Variants in GOLPH3L observed in about 807,000 individuals in gnomAD.
GOLPH3L encodes Golgi phosphoprotein 3-like.
In GOLPH3L, 22 loss-of-function variants were observed where a neutral mutation model predicts 30.3. The ratio of observed to expected loss-of-function variants is 0.73; its 90% CI spans 0.52 to 1.04. GOLPH3L has a LOEUF of 1.04. GOLPH3L is among the 50% of genes least tolerant of loss of function. GOLPH3L has a pLI of 0.00. For synonymous variants in GOLPH3L, 120 were observed against 128.2 expected (o/e 0.94, Z 0.43); for missense variants, 303 against 345.8 (o/e 0.88, Z 0.98).
Position 150,693,489 on chromosome 1 carries a change from G to A in GOLPH3L, c.183+1167C>T, listed in dbSNP as rs1416047796. ...CTTTTCTTGCAGGCGGTGGGCGAGG[G>A]GGGGCGGTTATTTAAGGCTTTCCTG... On this transcript the variant is annotated intron_variant, in intron 2 of 4. Transcript: ENST00000271732. Among the ~76,000 whole-genome samples the A allele has an allele frequency of 6.6e-5, 10 of 152,078 alleles. No homozygotes were observed. The South Asian group carries it at 2.1e-3, about 32-fold the overall frequency.
chr1:150,696,316 ACCT>A (rs1246410862), intron 1 of GOLPH3L, among the ~76,000 whole-genome samples: 5 of 151,882 alleles, frequency 3.3e-5, no homozygotes, highest in Admixed American at 2.6e-4. Context: ...CCTTTAAGTG[ACCT>A]CCTCTTTTCT....
At chr1:150,686,040 A>G (rs1320616618) in intron 2 of GOLPH3L, among the ~76,000 whole-genome samples, 1 of 151,578 alleles carries the variant, frequency 6.6e-6, no homozygotes, top group Non-Finnish European at 1.5e-5. Flanking sequence ...ACACCCGGCT[A>G]ATTTTTGTAT....
intron 2 of GOLPH3L, among the ~76,000 whole-genome samples, chr1:150,680,235 C>T (rs1650919031): frequency 3.3e-5 from 5 of 152,150 alleles, no homozygotes; most frequent in Admixed American, 1.3e-4. Context: ...CTGGAACTAT[C>T]ACCAGTACCC....
intron 2 of GOLPH3L, among the ~76,000 whole-genome samples, chr1:150,681,688 T>C (rs1650952437): frequency 6.6e-6 from 1 of 152,190 alleles, no homozygotes; most frequent in Admixed American, 6.5e-5. Flanking sequence ...TTTATATTTA[T>C]TGGCATAAAA....
intron 4 of GOLPH3L, among the ~76,000 whole-genome samples, chr1:150,656,757 C>T (rs959901799): frequency 6.6e-6 from 1 of 152,202 alleles, no homozygotes; most frequent in African/African-American, 2.4e-5. Context: ...CACGAAGGCA[C>T]AAATACAGCA....
intron 2 of GOLPH3L, among the ~76,000 whole-genome samples, chr1:150,664,340 G>A (rs1650446773): frequency 6.6e-6 from 1 of 151,998 alleles, no homozygotes; most frequent in Admixed American, 6.6e-5. Context: ...GAGAATTTTG[G>A]CTTTTTTGAA....
At chr1:150,683,285 C>A (rs2101812839) in intron 2 of GOLPH3L, among the ~76,000 whole-genome samples, 2 of 152,136 alleles carry the variant, frequency 1.3e-5, no homozygotes, top group Middle Eastern at 3.4e-3. Flanking sequence ...GCCTGTAATC[C>A]CAGCACTTTG....
intron 3 of GOLPH3L, 26 bp from the exon 4 acceptor site, chr1:150,661,954 C>A: frequency 1.1e-6 from 1 of 943,666 alleles, no homozygotes. Context: ...AAAGAAGGAA[C>A]CCTGATTCCT....
chr1:150,659,128 T>C (rs1177109312), intron 4 of GOLPH3L, among the ~76,000 whole-genome samples: 1 of 152,258 alleles, frequency 6.6e-6, no homozygotes, highest in Non-Finnish European at 1.5e-5. Context: ...TTTGTCTCTG[T>C]ATAGTCTGCA....
At chr1:150,656,663 A>G (rs1249222251) in intron 4 of GOLPH3L, among the ~76,000 whole-genome samples, 1 of 152,100 alleles carries the variant, frequency 6.6e-6, no homozygotes, top group Admixed American at 6.6e-5. Context: ...CCTTATTTGG[A>G]TCAAATCGCT....
intron 2 of GOLPH3L, among the ~76,000 whole-genome samples, chr1:150,693,823 A>G (rs190625757): frequency 0.17 from 8,079 of 46,532 alleles, 668 homozygotes; most frequent in African/African-American, 0.29. Context: ...GTGTGTGTAT[A>G]TATATATATA....
chr1:150,666,880 G>C (rs887953846), intron 2 of GOLPH3L, among the ~76,000 whole-genome samples: 2 of 151,968 alleles, frequency 1.3e-5, no homozygotes, highest in Admixed American at 1.3e-4. Context: ...CAATATCTGA[G>C]GACTTTATTT....
At chr1:150,672,997 T>G (rs915645339) in intron 2 of GOLPH3L, among the ~76,000 whole-genome samples, 1 of 148,634 alleles carries the variant, frequency 6.7e-6, no homozygotes, top group African/African-American at 2.5e-5. Context: ...AGGGCTTCTG[T>G]TTTTTTTTTC....
At chr1:150,671,883 G>GT (rs1650654409) in intron 2 of GOLPH3L, among the ~76,000 whole-genome samples, 3 of 150,196 alleles carry the variant, frequency 2.0e-5, no homozygotes, top group East Asian at 2.0e-4. Context: ...CTCATAAGGA[G>GT]TTTTTAAAAT....
intron 1 of GOLPH3L, among the ~76,000 whole-genome samples, chr1:150,695,647 T>C (rs918429899): frequency 6.6e-6 from 1 of 152,076 alleles, no homozygotes. Context: ...AAATAGAAAG[T>C]AAAAAAGAAT....
intron 2 of GOLPH3L, among the ~76,000 whole-genome samples, chr1:150,681,591 G>A (rs1278854977): frequency 6.6e-6 from 1 of 152,112 alleles, no homozygotes; most frequent in Non-Finnish European, 1.5e-5. Context: ...CCTGCTCTCA[G>A]GGAGGTTGCA....
At chr1:150,678,243 G>A (rs1650862458) in intron 2 of GOLPH3L, among the ~76,000 whole-genome samples, 1 of 125,450 alleles carries the variant, frequency 8.0e-6, no homozygotes, top group Non-Finnish European at 1.6e-5. Context: ...AGGTTTCAGT[G>A]AGCCGAGATC....
intron 2 of GOLPH3L, among the ~76,000 whole-genome samples, chr1:150,664,224 G>T (rs750777302): frequency 6.6e-6 from 1 of 151,858 alleles, no homozygotes; most frequent in African/African-American, 2.4e-5. Flanking sequence ...CGCTGGTCTC[G>T]AACTCCTGGC....
chr1:150,690,516 T>C (rs751033498), intron 2 of GOLPH3L, among the ~76,000 whole-genome samples: 1 of 152,160 alleles, frequency 6.6e-6, no homozygotes, highest in Admixed American at 6.5e-5. Context: ...GACACAAAAA[T>C]GAAATGGGCT....
Sources: gnomAD v4.1 joint callset for allele counts (sites outside exome capture counted in the v4.1 genomes callset) on GRCh38, gnomAD v4.1.1 for gene constraint, MANE v1.5 for transcripts, NCBI Gene and HGNC (gene_info 2026-07-23, HGNC 2026-07-21) for gene names.